The following SLC28A3 variants were observed in gnomAD, a reference collection of about 807,000 sequenced individuals.
SLC28A3 encodes the protein solute carrier family 28 member 3, also known as concentrative Na(+)-nucleoside cotransporter 3.
A neutral mutation model predicts 84.2 loss-of-function variants in SLC28A3; 68 were observed. The observed-to-expected ratio is 0.81, with a 90% CI of 0.66 to 0.99. The LOEUF is 0.99. Among genes scored for constraint, SLC28A3 ranks in the 50% least tolerant of loss-of-function variants. The pLI, the probability that SLC28A3 is intolerant of heterozygous loss-of-function variation, is 0.00. For missense variants in SLC28A3, 712 were observed against 841.5 expected (o/e 0.85, Z 1.90); for synonymous variants, 267 against 303.6 (o/e 0.88, Z 1.25).
intron 14 of SLC28A3, among the ~76,000 whole-genome samples, chr9:84,283,811 C>T (rs911670577): frequency 6.6e-6 from 1 of 152,210 alleles, no homozygotes; most frequent in Non-Finnish European, 1.5e-5. Context: ...ACGTTCTGTT[C>T]TGTGGCACCT....
At chr9:84,295,676 AG>A (rs1825387940) in intron 8 of SLC28A3, among the ~76,000 whole-genome samples, 1 of 152,156 alleles carries the variant, frequency 6.6e-6, no homozygotes, top group South Asian at 2.1e-4. Flanking sequence ...GGGTGCCTTC[AG>A]TGCAGCCAAT....
upstream of SLC28A3, chr9:84,340,787 A>C: frequency 2.9e-6 from 2 of 698,672 alleles, no homozygotes; most frequent in Non-Finnish European, 4.8e-6. Flanking sequence ...CTCCTGAATG[A>C]CTAGGGCTGA....
At chr9:84,350,489 A>G in the SLC28A3 span, among the ~76,000 whole-genome samples, 5 of 152,048 alleles carry the variant, frequency 3.3e-5, no homozygotes, top group East Asian at 5.8e-4. Context: ...TAAAAAATGA[A>G]AAATAATAAA....
At chr9:84,327,163 T>C (rs913821489) in intron 1 of SLC28A3, among the ~76,000 whole-genome samples, 1 of 152,172 alleles carries the variant, frequency 6.6e-6, no homozygotes, top group African/African-American at 2.4e-5. Context: ...CTCTTTCTCC[T>C]TTCCTTTTTC....
the SLC28A3 span, among the ~76,000 whole-genome samples, chr9:84,356,651 G>A: frequency 2.0e-5 from 3 of 152,080 alleles, no homozygotes; most frequent in South Asian, 6.2e-4. Context: ...CCAATATGGT[G>A]AAACCCCGTC....
chr9:84,300,741 A>C (rs1825596845), intron 5 of SLC28A3, among the ~76,000 whole-genome samples: 1 of 152,178 alleles, frequency 6.6e-6, no homozygotes, highest in Admixed American at 6.5e-5. Flanking sequence ...GCTGCAGGAC[A>C]CAGGGTCCTA....
At chr9:84,292,535 A>G in intron 10 of SLC28A3, 133 bp downstream of exon 10, 2 of 611,016 alleles carry the variant, frequency 3.3e-6, no homozygotes, top group Non-Finnish European at 5.5e-6. Context: ...GGACATTGCC[A>G]ATACTGGGGG....
chr9:84,339,211 T>A (rs1231175768), intron 1 of SLC28A3, among the ~76,000 whole-genome samples: 1 of 152,174 alleles, frequency 6.6e-6, no homozygotes, highest in Non-Finnish European at 1.5e-5. Flanking sequence ...TTTTTCCGTT[T>A]CTTTTATGTG....
chr9:84,286,263 A>G lies in SLC28A3; in HGVS notation c.1281-152T>C. The G allele has an allele frequency of 1.0e-5, 7 of 668,152 alleles. No homozygotes were observed. The South Asian group carries it at 1.2e-4, about 11-fold the overall frequency. The allele number at this position is 668,152 out of a possible 1,614,324, so 41.4% of individuals were successfully genotyped here. ...ATACTCACCTGAATCCCATGACATC[A>G]TGAAGTGGGCATATGAGTATTTAAC... On this transcript the variant is annotated intron_variant, in intron 12 of 17. Coordinates refer to ENST00000376238, the MANE Select transcript of SLC28A3 (RefSeq NM_001199633.2).
chr9:84,302,518 T>G (rs750156277), intron 4 of SLC28A3, 129 bp from the exon 5 acceptor site: 107 of 834,888 alleles, frequency 1.3e-4, no homozygotes, highest in Non-Finnish European at 1.8e-4. Context: ...GCAGGAGTGC[T>G]CTTGATATGG....
chr9:84,338,557 G>A (rs1827056925), intron 1 of SLC28A3, among the ~76,000 whole-genome samples: 1 of 152,100 alleles, frequency 6.6e-6, no homozygotes. Flanking sequence ...CTTTTTATTG[G>A]GGCAGGTGTA....
intron 6 of SLC28A3, among the ~76,000 whole-genome samples, chr9:84,299,024 T>A (rs11140502): frequency 0.11 from 16,279 of 152,114 alleles, 1,995 homozygotes; most frequent in African/African-American, 0.29. Context: ...CCTTGGGTCT[T>A]GCTTTTAATG....
In SLC28A3 at chr9:84,307,363, G is replaced by A. The variant is rs540873608; in HGVS notation, c.243-2018C>T. On this transcript the variant is annotated intron_variant, in intron 3 of 17. Coordinates refer to ENST00000376238, the MANE Select transcript of SLC28A3 (RefSeq NM_001199633.2). ...GGAGAATCGCTTGAATCTAGGAGGC[G>A]GAGGTTGCAGTGAGCCAAAATTGCG... Among the ~76,000 whole-genome samples, 6 of 149,758 alleles carry A rather than the reference G, an allele frequency of 4.0e-5. No individual in the cohort carries two copies. The South Asian group carries it at 8.4e-4, about 21-fold the overall frequency.
Position 84,285,925 on chromosome 9 carries a change from G to A in SLC28A3, c.1449+18C>T, listed in dbSNP as rs2118097003. Reference sequence around the variant, plus strand: ...AGGCAGAAACAAAACAGAGGGCAGGGGCGTGATGTGATTATACCTCAAAAC... The same window carrying A: ...AGGCAGAAACAAAACAGAGGGCAGGAGCGTGATGTGATTATACCTCAAAAC... On this transcript the variant is annotated intron_variant, in intron 13 of 17. Coordinates refer to ENST00000376238, the MANE Select transcript of SLC28A3 (RefSeq NM_001199633.2). 6.2e-7 allele frequency: 1 copy of A among 1,607,256 alleles called. No homozygotes were observed. Among genetic ancestry groups the A allele is most frequent in the South Asian group, 1.1e-5 (1 of 90,268 alleles).
chr9:84,280,790 T>C lies in SLC28A3; in HGVS notation c.1729+11A>G. The C allele has an allele frequency of 1.2e-6, 2 of 1,613,834 alleles. No individual in the cohort carries two copies. The highest frequency in any genetic ancestry group is 1.7e-6 in the Non-Finnish European group (2 of 1,179,766). On this transcript the variant is annotated intron_variant, in intron 15 of 17. Coordinates refer to ENST00000376238, the MANE Select transcript of SLC28A3 (RefSeq NM_001199633.2). ...ACATCTGTGTTGTTGAAGAATGTTC[T>C]TTTCACTTACTGAGTCCGCCGATCA...
the SLC28A3 span, among the ~76,000 whole-genome samples, chr9:84,359,055 C>T: frequency 3.3e-4 from 50 of 152,288 alleles, no homozygotes; most frequent in African/African-American, 1.2e-3. Context: ...CCGCCTGCCT[C>T]CGCCTCCTAA....
chr9:84,340,808 G>A (rs957376139), upstream of SLC28A3: 11 of 619,260 alleles, frequency 1.8e-5, no homozygotes, highest in Non-Finnish European at 3.1e-5. Flanking sequence ...CACCTGGTTG[G>A]GGTGGGGCAG....
the SLC28A3 span, among the ~76,000 whole-genome samples, chr9:84,345,931 T>C: frequency 2.6e-5 from 4 of 152,160 alleles, no homozygotes; most frequent in Admixed American, 2.6e-4. Flanking sequence ...TTTGTCCAAT[T>C]AGGAAATAGA....
chr9:84,344,409 G>A (rs1827217913), upstream of SLC28A3, among the ~76,000 whole-genome samples: 1 of 151,926 alleles, frequency 6.6e-6, no homozygotes, highest in Admixed American at 6.6e-5. Context: ...GGCTGGTCTT[G>A]AACTCCTGAT....
Sources: allele counts gnomAD v4.1 joint callset (sites outside exome capture counted in the v4.1 genomes callset), GRCh38; gene constraint gnomAD v4.1.1; transcripts MANE v1.5; gene names NCBI Gene and HGNC (gene_info 2026-07-23, HGNC 2026-07-21).